Variants in OSBPL9 observed in about 807,000 individuals in gnomAD.
OSBPL9 encodes oxysterol binding protein like 9.
A neutral mutation model predicts 106.6 loss-of-function variants in OSBPL9; 40 were observed. The ratio of observed to expected loss-of-function variants is 0.38; its 90% confidence interval spans 0.29 to 0.49. The LOEUF is 0.49. Among genes scored for constraint, OSBPL9 ranks in the 20% least tolerant of loss-of-function variants. OSBPL9 has a pLI of 0.97. For missense variants in OSBPL9, 609 were observed against 887.2 expected (o/e 0.69, Z 3.98); for synonymous variants, 269 against 295.4 (o/e 0.91, Z 0.92).
intron 4 of OSBPL9, among the ~76,000 whole-genome samples, chr1:51,727,048 G>A (rs1663238463): frequency 6.6e-6 from 1 of 150,450 alleles, no homozygotes; most frequent in African/African-American, 2.4e-5. Flanking sequence ...CTCTTAATAT[G>A]TAATTGTAAC....
At chr1:51,770,591 T>G (rs1673652977) in intron 12 of OSBPL9, among the ~76,000 whole-genome samples, 1 of 152,220 alleles carries the variant, frequency 6.6e-6, no homozygotes, top group Non-Finnish European at 1.5e-5. Context: ...GTTCTGTCAT[T>G]TAATGATCAT....
Position 51,784,748 on chromosome 1 carries a change from A to C in OSBPL9, c.1829+166A>C, listed in dbSNP as rs1379670757. 5.0e-6 allele frequency: 4 copies of C among 792,898 alleles called. No homozygotes were observed. In the African/African-American group the frequency reaches 5.3e-5, roughly 10 times the overall value. The allele number at this position is 792,898 out of a possible 1,614,324, so 49.1% of individuals were successfully genotyped here. ...TTTGCTGAAGTCCCATATCAGAAGA[A>C]GACCTAAAACATATATTCAGAGCAG... On this transcript the variant is annotated intron_variant, in intron 20 of 23. Transcript: ENST00000428468.
At chr1:51,673,097 G>A (rs1213837210) in intron 3 of OSBPL9, among the ~76,000 whole-genome samples, 1 of 152,132 alleles carries the variant, frequency 6.6e-6, no homozygotes, top group South Asian at 2.1e-4. Context: ...GCAAGATGAG[G>A]TAAAACCAGC....
In OSBPL9 at chr1:51,618,374, T is replaced by C. The variant is rs142882679; in HGVS notation, c.111+1153T>C. Among the ~76,000 whole-genome samples the C allele has an allele frequency of 8.7e-4, 132 of 151,932 alleles. 3 individuals are homozygous for C. In the East Asian group the frequency reaches 0.024, roughly 28 times the overall value. On this transcript the variant is annotated intron_variant, in intron 1 of 23. Coordinates refer to ENST00000428468, the MANE Select transcript of OSBPL9 (RefSeq NM_024586.6). ...CCCTCATCGCATTCGATATGGAGAG[T>C]AGGTGGTATTAGGGAGATAACTTAC...
At chr1:51,581,307 G>A in intron 1 of OSBPL9, among the ~76,000 whole-genome samples, 1 of 152,178 alleles carries the variant, frequency 6.6e-6, no homozygotes, top group South Asian at 2.1e-4. Context: ...AGACCACAGA[G>A]GTAAACGGCC....
At chr1:51,608,484 G>A (rs1300765336) in intron 2 of OSBPL9, among the ~76,000 whole-genome samples, 2 of 150,810 alleles carry the variant, frequency 1.3e-5, no homozygotes, top group Non-Finnish European at 2.9e-5. Context: ...ATTTTTAGTA[G>A]AGAAAGGGTT....
At chr1:51,527,474 A>C in the OSBPL9 span, among the ~76,000 whole-genome samples, 1 of 152,214 alleles carries the variant, frequency 6.6e-6, no homozygotes, top group East Asian at 1.9e-4. Context: ...AGCTCACTGT[A>C]GACTCAAACT....
intron 4 of OSBPL9, among the ~76,000 whole-genome samples, chr1:51,723,100 A>G (rs147387565): frequency 3.9e-5 from 6 of 152,300 alleles, no homozygotes; most frequent in African/African-American, 1.4e-4. Flanking sequence ...CCTACTATCA[A>G]CATCCCCCAC....
intron 1 of OSBPL9, among the ~76,000 whole-genome samples, chr1:51,592,970 G>C (rs1256915174): frequency 2.6e-5 from 4 of 152,150 alleles, no homozygotes; most frequent in African/African-American, 9.7e-5. Flanking sequence ...TAGCCTCAAA[G>C]GGCTCATTAC....
chr1:51,600,606 CACTGTGCCT>C (rs1161769758), intron 2 of OSBPL9, among the ~76,000 whole-genome samples: 1 of 152,114 alleles, frequency 6.6e-6, no homozygotes, highest in East Asian at 1.9e-4. Flanking sequence ...GGGCCCTAAG[CACTGTGCCT>C]ACTGTGCCTA....
Position 51,787,948 on chromosome 1 carries a change from G to A in OSBPL9, c.*159G>A. The A allele has an allele frequency of 3.2e-6, 2 of 620,494 alleles. No homozygotes were observed. Among genetic ancestry groups the A allele is most frequent in the Non-Finnish European group, 5.5e-6 (2 of 365,108 alleles). 38.4% of individuals were successfully genotyped at this position (620,494 alleles called of 1,614,324 possible). A position where few individuals can be genotyped will look rare whatever the true frequency, so the allele number is the denominator to read the frequency against. ...CTTTCTGACGCAGATGAACAATTAA[G>A]GGGAAAAGCTTCCCTTTTCCCTCTG... On this transcript the variant is annotated 3_prime_UTR_variant, in exon 24 of 24. Transcript: ENST00000428468.
Position 51,789,216 on chromosome 1 carries a change from C to T in OSBPL9, c.*1427C>T. 1 of 1,606,124 alleles carries T rather than the reference C, an allele frequency of 6.2e-7. No homozygotes were observed. Among genetic ancestry groups the T allele is most frequent in the Non-Finnish European group, 8.5e-7 (1 of 1,172,976 alleles). Reference sequence around the variant, plus strand: ...ATTTTAAAATACACATTGCTTCAGGCCAACGTGACTGCAGTTTATTTATTT... The same window carrying T: ...ATTTTAAAATACACATTGCTTCAGGTCAACGTGACTGCAGTTTATTTATTT... On this transcript the variant is annotated 3_prime_UTR_variant, in exon 24 of 24. Coordinates refer to ENST00000428468, the MANE Select transcript of OSBPL9 (RefSeq NM_024586.6).
the OSBPL9 span, among the ~76,000 whole-genome samples, chr1:51,561,198 C>T: frequency 6.6e-6 from 1 of 152,218 alleles, no homozygotes; most frequent in South Asian, 2.1e-4. Context: ...AATTGCATCA[C>T]TGCACTCCAG....
intron 2 of OSBPL9, among the ~76,000 whole-genome samples, chr1:51,602,096 C>T (rs1442770756): frequency 7.5e-6 from 1 of 132,884 alleles, no homozygotes; most frequent in Non-Finnish European, 1.5e-5. Flanking sequence ...TCTCGGCTCA[C>T]TGCAAGCTCC....
At chr1:51,653,966 C>T (rs909070802) in intron 2 of OSBPL9, among the ~76,000 whole-genome samples, 2 of 151,818 alleles carry the variant, frequency 1.3e-5, no homozygotes, top group African/African-American at 4.8e-5. Flanking sequence ...TGTGCCACTG[C>T]CTTCCAGCCT....
At chr1:51,547,085 C>G in the OSBPL9 span, among the ~76,000 whole-genome samples, 2 of 152,190 alleles carry the variant, frequency 1.3e-5, no homozygotes, top group Non-Finnish European at 2.9e-5. Flanking sequence ...GGATCACAAT[C>G]TGACATGAAG....
intron 1 of OSBPL9, among the ~76,000 whole-genome samples, chr1:51,591,791 A>C (rs973424770): frequency 3.3e-5 from 5 of 151,890 alleles, no homozygotes; most frequent in African/African-American, 7.3e-5. Context: ...GACTGAAAGA[A>C]AGAGACAGAG....
At chr1:51,583,092 A>T (rs181884904) in intron 1 of OSBPL9, among the ~76,000 whole-genome samples, 1 of 152,108 alleles carries the variant, frequency 6.6e-6, no homozygotes, top group Non-Finnish European at 1.5e-5. Flanking sequence ...CTGTTTCAAA[A>T]AAAGAAAAAA....
intron 4 of OSBPL9, 82 bp from the exon 5 acceptor site, chr1:51,745,454 A>G: frequency 2.0e-6 from 3 of 1,534,580 alleles, no homozygotes; most frequent in Non-Finnish European, 2.6e-6. Flanking sequence ...AAATGTCTTC[A>G]TGTATGAAGG....
Sources: gnomAD v4.1 joint callset for allele counts (sites outside exome capture counted in the v4.1 genomes callset) on GRCh38, gnomAD v4.1.1 for gene constraint, MANE v1.5 for transcripts, NCBI Gene and HGNC (gene_info 2026-07-23, HGNC 2026-07-21) for gene names.